Variants in KPNA7 observed in about 807,000 individuals in gnomAD.
The protein encoded by KPNA7 is karyopherin subunit alpha 7.
Under a neutral mutation model 53.7 loss-of-function variants are expected in KPNA7, and 54 were observed. The ratio of observed to expected loss-of-function variants is 1.01; its 90% CI spans 0.81 to 1.26. The LOEUF is 1.26. KPNA7 is among the 50% of genes most tolerant of loss of function. The pLI, the probability that KPNA7 is intolerant of heterozygous loss-of-function variation, is 0.00. For synonymous variants in KPNA7, 276 were observed against 259.3 expected, an observed-to-expected ratio of 1.06 and a Z score of -0.62; for missense variants, 640 against 644.5, an observed-to-expected ratio of 0.99 and a Z score of 0.07.
At chr7:99,151,950 C>T in the KPNA7 span, among the ~76,000 whole-genome samples, 4 of 151,762 alleles carry the variant, frequency 2.6e-5, no homozygotes, top group Non-Finnish European at 5.9e-5. Context: ...TTTGGGAGGC[C>T]GAGGCAGGCA....
At chr7:99,196,620 G>A (rs1423250537) in intron 3 of KPNA7, among the ~76,000 whole-genome samples, 1 of 152,162 alleles carries the variant, frequency 6.6e-6, no homozygotes, top group East Asian at 1.9e-4. Flanking sequence ...ATCTCAGTAA[G>A]TAGCATGAGA....
chr7:99,152,210 A>C, the KPNA7 span, among the ~76,000 whole-genome samples: 30 of 151,480 alleles, frequency 2.0e-4, no homozygotes, highest in Admixed American at 8.5e-4. Context: ...ACAACAACAA[A>C]AATTAGCCAG....
At chr7:99,192,943 T>A in intron 6 of KPNA7, 76 bp downstream of exon 6, 1 of 1,022,332 alleles carries the variant, frequency 9.8e-7, no homozygotes, top group Admixed American at 2.8e-5. Context: ...GGCAGAATGG[T>A]GAGGCTCCAT....
upstream of KPNA7, among the ~76,000 whole-genome samples, chr7:99,212,751 A>C (rs1321285649): frequency 3.3e-5 from 5 of 151,946 alleles, no homozygotes; most frequent in African/African-American, 1.2e-4. Context: ...AAAATTAAAA[A>C]TTAATCCGGC....
intron 10 of KPNA7, among the ~76,000 whole-genome samples, chr7:99,176,700 C>A (rs999617488): frequency 6.6e-6 from 1 of 151,704 alleles, no homozygotes; most frequent in African/African-American, 2.4e-5. Flanking sequence ...CATGGTGAAA[C>A]CCCATCTCTA....
the KPNA7 span, among the ~76,000 whole-genome samples, chr7:99,151,229 C>T: frequency 6.6e-6 from 1 of 152,076 alleles, no homozygotes; most frequent in African/African-American, 2.4e-5. Context: ...GTGTGTCTGT[C>T]TGTTTAGCCT....
the KPNA7 span, among the ~76,000 whole-genome samples, chr7:99,159,401 T>TGGGGCAG: frequency 7.2e-6 from 1 of 138,608 alleles, no homozygotes; most frequent in Non-Finnish European, 1.6e-5. Flanking sequence ...CGCTGCCAGG[T>TGGGGCAG]GGGGCAGGGG....
At position 99,195,495 on chromosome 7, in the gene KPNA7, G is replaced by A. The variant is rs548970619; in HGVS notation, c.285-157C>T. ...CTTGAGGTCGCAAGGTCAGGAGTTC[G>A]AGACCAGCCTGGCCAACATGGTGAA... is the stretch of plus-strand genomic sequence containing the variant. On this transcript the variant is annotated intron_variant, in intron 4 of 10. Coordinates refer to ENST00000327442, the MANE Select transcript of KPNA7 (RefSeq NM_001145715.3). Among the ~76,000 whole-genome samples, 179 of 152,134 alleles carry A rather than the reference G, an allele frequency of 1.2e-3. 1 individual carries two copies. The highest frequency in any genetic ancestry group is 1.7e-3 in the Admixed American group (26 of 15,254).
intron 1 of KPNA7, among the ~76,000 whole-genome samples, chr7:99,218,035 G>C (rs1791256924): frequency 6.6e-6 from 1 of 150,880 alleles, no homozygotes; most frequent in Admixed American, 6.6e-5. Flanking sequence ...GGGGCCAGAG[G>C]GGCTGCAGGC....
chr7:99,212,361 A>C (rs1376855093), upstream of KPNA7, among the ~76,000 whole-genome samples: 1 of 147,382 alleles, frequency 6.8e-6, no homozygotes, highest in Admixed American at 7.1e-5. Flanking sequence ...CTCCTGCCTC[A>C]GCCTCCCACG....
chr7:99,213,430 TAAAAAAAAAAAAAA>T (rs61231738), intron 1 of KPNA7, among the ~76,000 whole-genome samples: 29 of 72,882 alleles, frequency 4.0e-4, no homozygotes, highest in Non-Finnish European at 7.7e-5. Flanking sequence ...CCTGGCCTTT[TAAAAAAAAAAAAAA>T]AAAAAAAAAA....
intron 3 of KPNA7, among the ~76,000 whole-genome samples, chr7:99,197,052 A>AC (rs1308250175): frequency 1.3e-4 from 19 of 149,926 alleles, no homozygotes; most frequent in African/African-American, 4.7e-4. Context: ...AACAACAACA[A>AC]AACTAAGACC....
At chr7:99,163,333 T>C in the KPNA7 span, among the ~76,000 whole-genome samples, 1,627 of 142,840 alleles carry the variant, frequency 0.011, 37 homozygotes, top group African/African-American at 0.04. Context: ...ACATATTTTA[T>C]ATATGCACTA....
At chr7:99,188,195 A>AAAAAAAAAAT in intron 7 of KPNA7, 105 bp downstream of exon 7, 2 of 637,954 alleles carry the variant, frequency 3.1e-6, no homozygotes, top group Non-Finnish European at 4.8e-6. Flanking sequence ...AAAAAAAAAA[A>AAAAAAAAAAT]AAAGCAAAGA....
intron 1 of KPNA7, among the ~76,000 whole-genome samples, chr7:99,216,684 CCT>C (rs1791226944): frequency 6.6e-6 from 1 of 152,210 alleles, no homozygotes; most frequent in East Asian, 1.9e-4. Flanking sequence ...GCCTCAGCCC[CCT>C]GAGTAGCTGG....
the KPNA7 span, among the ~76,000 whole-genome samples, chr7:99,163,048 G>A: frequency 6.6e-6 from 1 of 151,928 alleles, no homozygotes; most frequent in Admixed American, 6.6e-5. Context: ...GGATGTGGTG[G>A]CACACTCCTA....
chr7:99,182,207 C>T lies in KPNA7; in HGVS notation c.1135-142G>A. Reference sequence around the variant, plus strand: ...CATAGAATGCCTTGGCTACCTGCCTCTAGCTCTTTCTTTCCCCCCTCACTC... The same window carrying T: ...CATAGAATGCCTTGGCTACCTGCCTTTAGCTCTTTCTTTCCCCCCTCACTC... On this transcript the variant is annotated intron_variant, in intron 8 of 10. Coordinates refer to ENST00000327442, the MANE Select transcript of KPNA7 (RefSeq NM_001145715.3). 4 of 590,442 alleles carry T rather than the reference C, an allele frequency of 6.8e-6. No homozygotes were observed. The Middle Eastern group carries it at 1.2e-3, about 182-fold the overall frequency. The allele number at this position is 590,442 out of a possible 1,614,324, so 36.6% of individuals were successfully genotyped here.
chr7:99,171,118 G>A (rs1798762341), downstream of KPNA7, among the ~76,000 whole-genome samples: 1 of 152,336 alleles, frequency 6.6e-6, no homozygotes, highest in East Asian at 1.9e-4. Context: ...TACTCGGGAG[G>A]CTGAGGCAGG....
intron 1 of KPNA7, among the ~76,000 whole-genome samples, chr7:99,214,530 A>C (rs1008293754): frequency 6.9e-6 from 1 of 144,044 alleles, no homozygotes; most frequent in Non-Finnish European, 1.5e-5. Context: ...TGGGAGGCTG[A>C]GGAGGGAGAA....
Sources: allele counts gnomAD v4.1 joint callset (sites outside exome capture counted in the v4.1 genomes callset), GRCh38; gene constraint gnomAD v4.1.1; transcripts MANE v1.5; gene names NCBI Gene and HGNC (gene_info 2026-07-23, HGNC 2026-07-21).